The following NDRG4 variants were observed in gnomAD, a reference collection of about 807,000 sequenced individuals.
NDRG4 encodes NDRG family member 4.
NDRG4 carries 38 observed loss-of-function variants against 55.8 expected under a neutral mutation model. That is an observed-to-expected ratio of 0.68 (90% CI 0.53 to 0.89). The LOEUF is 0.89. NDRG4 is among the 40% of genes least tolerant of loss of function. The pLI is 0.00. For synonymous variants in NDRG4, 190 were observed against 182.7 expected (o/e 1.04, Z -0.32); for missense variants, 455 against 468.6 (o/e 0.97, Z 0.27).
In NDRG4 at chr16:58,510,641, T is replaced by TTA. The variant is rs2038682270; in HGVS notation, c.866-3_866-2dup. ...CCCCTCTCCGGCTCTGTCTTCTCTC[T>TTA]TAGTTGCGTACTTGAAGGACCGAAG... On this transcript the variant is annotated splice_polypyrimidine_tract_variant and splice_region_variant and intron_variant, in intron 13 of 14. Coordinates refer to ENST00000570248, the MANE Select transcript of NDRG4 (RefSeq NM_001242835.2). 1 of 1,535,982 alleles carries TTA rather than the reference T, an allele frequency of 6.5e-7. No individual in the cohort carries two copies. The highest frequency in any genetic ancestry group is 2.4e-5 in the East Asian group (1 of 40,910).
At position 58,508,682 on chromosome 16, in the gene NDRG4, C is replaced by G. The variant is rs9924624; in HGVS notation, c.730-280C>G. On this transcript the variant is annotated intron_variant, in intron 10 of 14. Coordinates refer to ENST00000570248, the MANE Select transcript of NDRG4 (RefSeq NM_001242835.2). ...GCACTGGGGCTTTCCCAGGCCAGTC[C>G]CACCACGGCAGCCCAGCCCTCGCCT... is the stretch of plus-strand genomic sequence containing the variant. 3.4e-3 allele frequency among the ~76,000 whole-genome samples: 524 copies of G among 152,352 alleles called. 2 individuals are homozygous for G. Among genetic ancestry groups the G allele is most frequent in the African/African-American group, 0.012 (492 of 41,582 alleles).
chr16:58,499,996 A>G (rs377211940), upstream of NDRG4: 2,524 of 1,002,068 alleles, frequency 2.5e-3, 8 homozygotes, highest in Non-Finnish European at 3.2e-3. Flanking sequence ...TCAGAAGCCA[A>G]TTGGAGCCAG....
intron 1 of NDRG4, among the ~76,000 whole-genome samples, chr16:58,472,614 C>T (rs1361208829): frequency 6.6e-6 from 1 of 152,138 alleles, no homozygotes; most frequent in Non-Finnish European, 1.5e-5. Flanking sequence ...TGACAGAAAC[C>T]GAACTCAGAC....
At chr16:58,501,249 T>G in intron 1 of NDRG4, 1 of 405,388 alleles carries the variant, frequency 2.5e-6, no homozygotes, top group Non-Finnish European at 4.3e-6. Flanking sequence ...CCTGAATTAT[T>G]GATGCGGCTG....
rs367680752 is a variant in NDRG4 at position 58,513,196 on chromosome 16, G to GTGTGTGTGTGTA, written c.*1621_*1622insGTGTGTGTGTAT. The stretch of plus-strand genomic sequence containing the variant: ...TGTGTGTGTGTGTGTGTGTGTGTGT[G>GTGTGTGTGTGTA]TACATCGGGTCCTCCCATGTGTGGT... On this transcript the variant is annotated 3_prime_UTR_variant, in exon 15 of 15. Transcript: ENST00000570248. 201 of 150,550 alleles carry GTGTGTGTGTGTA rather than the reference G, an allele frequency of 1.3e-3. No homozygotes were observed. The highest frequency in any genetic ancestry group is 6.9e-3 in the Middle Eastern group (2 of 290). The allele number at this position is 150,550 out of a possible 1,614,324, so 9.3% of individuals were successfully genotyped here. A position where few individuals can be genotyped will look rare whatever the true frequency, so the allele number is the denominator to read the frequency against.
At chr16:58,475,475 C>T (rs993865195) in intron 1 of NDRG4, 1 of 362,020 alleles carries the variant, frequency 2.8e-6, no homozygotes, top group Non-Finnish European at 5.4e-6. Context: ...TTTCCTTTTT[C>T]CTTGATTTCC....
intron 1 of NDRG4, among the ~76,000 whole-genome samples, chr16:58,479,439 G>A (rs181905534): frequency 1.8e-4 from 27 of 152,286 alleles, no homozygotes; most frequent in Middle Eastern, 3.4e-3. Flanking sequence ...GCCTCTTAGT[G>A]CACACATGGG....
At chr16:58,490,329 C>A (rs1325944279) in intron 2 of NDRG4, among the ~76,000 whole-genome samples, 1 of 152,088 alleles carries the variant, frequency 6.6e-6, no homozygotes, top group Non-Finnish European at 1.5e-5. Flanking sequence ...CCCCCCAGTA[C>A]AATGGGGAGA....
intron 1 of NDRG4, 82 bp downstream of exon 1, chr16:58,500,351 C>A: frequency 6.7e-7 from 1 of 1,495,474 alleles, no homozygotes; most frequent in South Asian, 1.3e-5. Flanking sequence ...GAAGTGCCCC[C>A]CTCAACCCAC....
In NDRG4 at chr16:58,464,868, G is replaced by A; in HGVS notation, c.-24+1071G>A. On this transcript the variant is annotated intron_variant, in intron 1 of 15. Coordinates refer to the NDRG4 transcript ENST00000258187. The surrounding 1 kb of genome is among the most constrained non-coding windows in gnomAD (Gnocchi z 4.8). ...ATTTCTGCGCCCTGTGACAATCTGA[G>A]CCGTCTTTCTCTGGGGGAGAAGTTT... The A allele has an allele frequency of 8.3e-7, 1 of 1,201,994 alleles. No homozygotes were observed. Among genetic ancestry groups the A allele is most frequent in the Non-Finnish European group, 1.0e-6 (1 of 955,446 alleles). 74.5% of individuals were successfully genotyped at this position (1,201,994 alleles called of 1,614,324 possible).
In NDRG4 at chr16:58,483,691, C is replaced by T. The variant is rs1178194846; in HGVS notation, c.-23-4065C>T. ...AAAAAACTCCAAAGTTATCTTAAAT[C>T]GGCAGGGAAAGGCAAGGAACACACT... is the stretch of plus-strand genomic sequence containing the variant. On this transcript the variant is annotated intron_variant, in intron 1 of 15. Coordinates refer to the NDRG4 transcript ENST00000258187. Among the ~76,000 whole-genome samples the T allele has an allele frequency of 3.3e-5, 5 of 152,208 alleles. No homozygotes were observed. The South Asian group carries it at 6.2e-4, about 19-fold the overall frequency.
At chr16:58,486,712 C>T (rs2035123929) in intron 1 of NDRG4, among the ~76,000 whole-genome samples, 1 of 111,484 alleles carries the variant, frequency 9.0e-6, no homozygotes, top group Admixed American at 8.5e-5. Flanking sequence ...CACACACACA[C>T]ACACACACAC....
chr16:58,466,203 G>T (rs1159732802), intron 1 of NDRG4, among the ~76,000 whole-genome samples: 1 of 152,204 alleles, frequency 6.6e-6, no homozygotes, highest in Non-Finnish European at 1.5e-5. Flanking sequence ...TCTTAGTAGA[G>T]ATGGGTTTCG....
At chr16:58,506,691 G>T (rs40185) in intron 7 of NDRG4, 77 bp downstream of exon 7, 1 of 1,485,304 alleles carries the variant, frequency 6.7e-7, no homozygotes, top group East Asian at 2.5e-5. Context: ...GAGGCAGGCG[G>T]GTGTCTTTGG....
At position 58,504,273 on chromosome 16, in the gene NDRG4, G is replaced by A. The variant is rs745580875; in HGVS notation, c.247G>A (p.Gly83Arg). 1 of 1,614,136 alleles carries A rather than the reference G, an allele frequency of 6.2e-7. No individual in the cohort carries two copies. Among genetic ancestry groups the A allele is most frequent in the Admixed American group, 1.7e-5 (1 of 60,026 alleles). The stretch of plus-strand genomic sequence containing the variant: ...GGTGGGGGCGTCGCAGTTTCCTCAG[G>A]GGTAGGTACCCTGAGCCCCCTCTGC... Reference protein sequence around the residue: ...QQVGASQFPQGYQFPSMEQLA... With the variant: ...QQVGASQFPQRYQFPSMEQLA... Residue 83 changes from glycine (G) to arginine (R), a missense_variant and splice_region_variant, in exon 3 of 15, where the codon GGG becomes AGG. Physicochemically the swap from Gly to Arg is moderately radical, Grantham distance 125. Coordinates refer to ENST00000570248, the MANE Select transcript of NDRG4 (RefSeq NM_001242835.2).
rs72790256 is a variant in NDRG4, at chr16:58,513,474, G to C, written c.*1898G>C. The stretch of plus-strand genomic sequence containing the variant: ...GGCTTTTGGAGAAACAGAATGTTTG[G>C]GCAGGGGCTGCTGGTGCTGCTTGGG... On this transcript the variant is annotated 3_prime_UTR_variant, in exon 15 of 15. Coordinates refer to ENST00000570248, the MANE Select transcript of NDRG4 (RefSeq NM_001242835.2). 3,020 of 152,320 alleles carry C rather than the reference G, an allele frequency of 0.02. 42 individuals are homozygous for C. The highest frequency in any genetic ancestry group is 0.027 in the Non-Finnish European group (1,866 of 68,052). The allele number at this position is 152,320 out of a possible 1,614,324, so 9.4% of individuals were successfully genotyped here.
intron 8 of NDRG4, 128 bp from the exon 9 acceptor site, chr16:58,507,680 T>G: frequency 1.1e-6 from 1 of 874,948 alleles, no homozygotes; most frequent in South Asian, 1.6e-5. Context: ...ACAGGGAGCC[T>G]CCAGTTCATT....
chr16:58,501,166 C>T, intron 1 of NDRG4: 1 of 895,070 alleles, frequency 1.1e-6, no homozygotes. Context: ...CTGCCGGTTC[C>T]GCAGACGATA....
rs2038609365 is a variant in NDRG4, at chr16:58,510,101, C to T, written c.866-544C>T. On this transcript the variant is annotated intron_variant, in intron 13 of 14. Transcript: ENST00000570248. ...TCCAGACTTCAGCCTCTGGAGCTAT[C>T]TCCAGGGCAAACAGGAGGGCTGCCT... 2.0e-5 allele frequency among the ~76,000 whole-genome samples: 3 copies of T among 152,204 alleles called. No homozygotes were observed. In the South Asian group the frequency reaches 6.2e-4, roughly 32 times the overall value.
Sources: allele counts gnomAD v4.1 joint callset (sites outside exome capture counted in the v4.1 genomes callset), GRCh38; gene constraint gnomAD v4.1.1; non-coding constraint Gnocchi (gnomAD v3.1); transcripts MANE v1.5; gene names NCBI Gene and HGNC (gene_info 2026-07-23, HGNC 2026-07-21).